RAB2A: variants seen among roughly 807,000 people sequenced by gnomAD.
The protein encoded by RAB2A is RAB2A, member RAS oncogene family.
RAB2A carries 7 observed loss-of-function variants against 32.5 expected under a neutral mutation model. That is an observed-to-expected ratio of 0.22 (90% confidence interval 0.12 to 0.40). RAB2A has a LOEUF of 0.40. Ranked by LOEUF, RAB2A falls within the 10% of genes least tolerant of loss-of-function variation. RAB2A has a pLI of 1.00. For missense variants in RAB2A, 108 were observed against 260.7 expected (o/e 0.41, Z 4.03); for synonymous variants, 79 against 85.2 (o/e 0.93, Z 0.40).
intron 3 of RAB2A, among the ~76,000 whole-genome samples, chr8:60,580,391 T>G (rs56192263): frequency 0.15 from 22,652 of 152,044 alleles, 1,844 homozygotes; most frequent in East Asian, 0.26. Flanking sequence ...TATAACAGTT[T>G]ATTTATAGTT....
In RAB2A at chr8:60,577,021, G is replaced by A. The variant is rs72650412; in HGVS notation, c.186+4908G>A. Among the ~76,000 whole-genome samples the A allele has an allele frequency of 5.9e-3, 888 of 151,488 alleles. 6 individuals are homozygous for A. The highest frequency in any genetic ancestry group is 0.011 in the Non-Finnish European group (721 of 67,964). ...GGCAGCACTAAAAGAATCTGACATCGGTGATCATATCCTATTTTATCTTTT... is the reference window on the plus strand; with the variant it reads ...GGCAGCACTAAAAGAATCTGACATCAGTGATCATATCCTATTTTATCTTTT... On this transcript the variant is annotated intron_variant, in intron 3 of 7. Coordinates refer to ENST00000262646, the MANE Select transcript of RAB2A (RefSeq NM_002865.3).
chr8:60,597,127 A>G (rs966656149), intron 6 of RAB2A, among the ~76,000 whole-genome samples: 7 of 152,240 alleles, frequency 4.6e-5, no homozygotes, highest in African/African-American at 1.7e-4. Flanking sequence ...ATCATTCTAT[A>G]AAGATACATG....
intron 6 of RAB2A, among the ~76,000 whole-genome samples, chr8:60,605,871 G>T (rs1277035631): frequency 8.1e-6 from 1 of 123,340 alleles, no homozygotes; most frequent in Non-Finnish European, 1.5e-5. Context: ...ATTTCAAGCT[G>T]GGGGTGGTGG....
In RAB2A at chr8:60,611,871, G is replaced by A. The variant is rs116828633; in HGVS notation, c.475-6709G>A. Among the ~76,000 whole-genome samples, 765 of 152,280 alleles carry A rather than the reference G, an allele frequency of 5.0e-3. 8 individuals are homozygous for A. Among genetic ancestry groups the A allele is most frequent in the African/African-American group, 0.017 (701 of 41,566 alleles). ...AAGAGTAAAATGCTGCAATATTTAT[G>A]ATTTTTAAAACTATTAAGTTTACAT... On this transcript the variant is annotated intron_variant, in intron 6 of 7. Coordinates refer to ENST00000262646, the MANE Select transcript of RAB2A (RefSeq NM_002865.3).
At chr8:60,531,981 T>C (rs774823624) in intron 1 of RAB2A, among the ~76,000 whole-genome samples, 4 of 152,076 alleles carry the variant, frequency 2.6e-5, no homozygotes, top group Non-Finnish European at 5.9e-5. Flanking sequence ...TTTTTTGTAT[T>C]TTTAGTAGAG....
chr8:60,605,246 T>A (rs1466147363), intron 6 of RAB2A, among the ~76,000 whole-genome samples: 1 of 152,132 alleles, frequency 6.6e-6, no homozygotes, highest in East Asian at 1.9e-4. Flanking sequence ...AGTCCAAGAG[T>A]TGAGGCTTGG....
At chr8:60,541,428 G>A (rs1362467360) in intron 1 of RAB2A, among the ~76,000 whole-genome samples, 3 of 152,112 alleles carry the variant, frequency 2.0e-5, no homozygotes, top group Non-Finnish European at 4.4e-5. Flanking sequence ...AAAGAGTGCA[G>A]GATAAAGAAT....
At chr8:60,540,174 C>T (rs1429169419) in intron 1 of RAB2A, among the ~76,000 whole-genome samples, 3 of 150,260 alleles carry the variant, frequency 2.0e-5, no homozygotes, top group Non-Finnish European at 4.4e-5. Context: ...TCCTTTTCTT[C>T]TGTCTCATCC....
At chr8:60,608,265 T>A (rs1259290548) in intron 6 of RAB2A, among the ~76,000 whole-genome samples, 3 of 152,120 alleles carry the variant, frequency 2.0e-5, no homozygotes, top group Non-Finnish European at 4.4e-5. Context: ...ACCAAAATGT[T>A]AACAGTAATG....
intron 1 of RAB2A, among the ~76,000 whole-genome samples, chr8:60,540,422 T>G (rs1194278471): frequency 2.0e-5 from 3 of 152,092 alleles, no homozygotes; most frequent in Non-Finnish European, 4.4e-5. Flanking sequence ...AAGATCATTT[T>G]CAGACACTTT....
intron 2 of RAB2A, 44 bp from the exon 3 acceptor site, chr8:60,572,002 T>C (rs774656203): frequency 7.3e-7 from 1 of 1,376,284 alleles, no homozygotes; most frequent in Middle Eastern, 1.8e-4. Context: ...AAGTGAGATA[T>C]ATTCCCACTA....
At chr8:60,547,154 C>G (rs1807742972) in intron 1 of RAB2A, among the ~76,000 whole-genome samples, 5 of 151,632 alleles carry the variant, frequency 3.3e-5, no homozygotes, top group Admixed American at 3.3e-4. Flanking sequence ...TTGCACCGCC[C>G]TTAATCCATT....
intron 1 of RAB2A, among the ~76,000 whole-genome samples, chr8:60,548,799 C>T (rs1219518268): frequency 5.5e-5 from 8 of 146,332 alleles, no homozygotes; most frequent in East Asian, 2.1e-4. Context: ...CCAGACGGGG[C>T]GGCTGGCCGG....
chr8:60,581,060 A>T (rs548153211), intron 3 of RAB2A, among the ~76,000 whole-genome samples: 1 of 152,196 alleles, frequency 6.6e-6, no homozygotes, highest in Non-Finnish European at 1.5e-5. Flanking sequence ...AGATGCTAAC[A>T]CCCTCAGTAG....
At chr8:60,552,651 T>C (rs1051514212) in intron 1 of RAB2A, 2 of 152,228 alleles carry the variant, frequency 1.3e-5, no homozygotes, top group African/African-American at 4.8e-5. Context: ...ACTTGATGAT[T>C]GTCTGGCTCA....
chr8:60,525,127 C>G (rs1473331635), intron 1 of RAB2A, among the ~76,000 whole-genome samples: 1 of 152,178 alleles, frequency 6.6e-6, no homozygotes, highest in Non-Finnish European at 1.5e-5. Flanking sequence ...TGGTTTGGCT[C>G]TGTGTCCCAC....
rs1803951611 is a variant in RAB2A at position 60,591,981 on chromosome 8, G to A, written c.474+12G>A. ...CCAATGTAGAAGAGGTAAATAAGAG[G>A]CCCTTTAAAATCTTCATCTTTATAC... On this transcript the variant is annotated intron_variant, in intron 6 of 7. Coordinates refer to ENST00000262646, the MANE Select transcript of RAB2A (RefSeq NM_002865.3). 4 of 1,488,292 alleles carry A rather than the reference G, an allele frequency of 2.7e-6. No homozygotes were observed. Among genetic ancestry groups the A allele is most frequent in the Non-Finnish European group, 3.7e-6 (4 of 1,081,936 alleles). The allele number at this position is 1,488,292 out of a possible 1,614,324, so 92.2% of individuals were successfully genotyped here. A position where few individuals can be genotyped will look rare whatever the true frequency, so the allele number is the denominator to read the frequency against.
At chr8:60,583,643 T>C (rs2130848475) in intron 3 of RAB2A, among the ~76,000 whole-genome samples, 1 of 152,364 alleles carries the variant, frequency 6.6e-6, no homozygotes, top group South Asian at 2.1e-4. Context: ...TTGATGACTG[T>C]TGAAAGCTCA....
intron 6 of RAB2A, among the ~76,000 whole-genome samples, chr8:60,600,494 G>A (rs566173821): frequency 6.6e-6 from 1 of 152,184 alleles, no homozygotes; most frequent in African/African-American, 2.4e-5. Context: ...TGGAAAAATG[G>A]CAGTTTCTTT....
Sources: allele counts gnomAD v4.1 joint callset (sites outside exome capture counted in the v4.1 genomes callset), GRCh38; gene constraint gnomAD v4.1.1; transcripts MANE v1.5; gene names NCBI Gene and HGNC (gene_info 2026-07-23, HGNC 2026-07-21).